C5: variants seen among roughly 807,000 people sequenced by gnomAD.
C5 encodes complement C5.
In C5, 140 loss-of-function variants were observed where a neutral mutation model predicts 218.8. The observed-to-expected ratio is 0.64, with a 90% CI of 0.56 to 0.74. The LOEUF is 0.74. Ranked by LOEUF, C5 falls within the 30% of genes least tolerant of loss-of-function variation. The pLI is 0.00. For missense variants in C5, 1,700 were observed against 1,969.6 expected (o/e 0.86, Z 2.59); for synonymous variants, 614 against 682.3 (o/e 0.90, Z 1.56).
At chr9:121,070,481 A>ATG in the C5 span, among the ~76,000 whole-genome samples, 8 of 147,528 alleles carry the variant, frequency 5.4e-5, no homozygotes, top group Non-Finnish European at 9.0e-5. Context: ...GTGTATATAT[A>ATG]TGTGTGTGTG....
rs748984907 is a variant in C5 at position 120,982,699 on chromosome 9, C to G, written c.3346G>C (p.Gly1116Arg). 2 of 1,607,786 alleles carry G rather than the reference C, an allele frequency of 1.2e-6. No individual in the cohort carries two copies. The highest frequency in any genetic ancestry group is 2.7e-5 in the African/African-American group (2 of 74,736). ...TACTGTGAATTTTCCTTGAAAGATC[C>G]ATTATCTAATTGATAATTCTCAACT... ...WLVENYQLDN[G>R]SFKENSQYQP... Residue 1116 changes from glycine to arginine, a missense_variant, in exon 26 of 41, where the codon GGA (glycine) becomes CGA (arginine). By Grantham distance (125) the Gly-to-Arg change is moderately radical (BLOSUM62 -2). Transcript: ENST00000223642.
chr9:121,074,726 C>T, the C5 span: 1 of 445,184 alleles, frequency 2.2e-6, no homozygotes, highest in Non-Finnish European at 4.5e-6. Flanking sequence ...AACCTCGGCT[C>T]CCCCTGACTC....
At chr9:120,967,212 A>G (rs2046875207) in intron 33 of C5, among the ~76,000 whole-genome samples, 1 of 150,858 alleles carries the variant, frequency 6.6e-6, no homozygotes, top group African/African-American at 2.5e-5. Flanking sequence ...GTGAGCCGAG[A>G]TCACGCCACT....
chr9:120,983,678 G>A (rs748697335), intron 25 of C5, among the ~76,000 whole-genome samples: 2 of 152,060 alleles, frequency 1.3e-5, no homozygotes, highest in African/African-American at 2.4e-5. Context: ...CAGATGTGGT[G>A]GCAGGCACCT....
chr9:121,046,748 T>C (rs1383431917), intron 1 of C5, among the ~76,000 whole-genome samples: 3 of 152,200 alleles, frequency 2.0e-5, no homozygotes, highest in Non-Finnish European at 4.4e-5. Context: ...ATTCCAGCTG[T>C]GGCATCTGCT....
chr9:120,962,613 T>A (rs1158819024), intron 36 of C5, 58 bp downstream of exon 36: 1 of 1,295,568 alleles, frequency 7.7e-7, no homozygotes, highest in Non-Finnish European at 1.1e-6. Context: ...GATTTCTAAA[T>A]GTTCTGGAAA....
chr9:120,988,912 T>A, intron 25 of C5, 134 bp downstream of exon 25: 1 of 753,182 alleles, frequency 1.3e-6, no homozygotes. Context: ...ATGTGAACGG[T>A]AAGAGAAAGA....
intron 33 of C5, among the ~76,000 whole-genome samples, chr9:120,968,018 G>A (rs964457124): frequency 1.3e-5 from 2 of 151,976 alleles, no homozygotes; most frequent in Admixed American, 6.6e-5. Context: ...CACTGTACCC[G>A]GCAAAAAACC....
chr9:120,976,036 G>A (rs896372931), intron 29 of C5, among the ~76,000 whole-genome samples: 1 of 151,980 alleles, frequency 6.6e-6, no homozygotes, highest in East Asian at 1.9e-4. Context: ...CCCTATAATT[G>A]TACCCAAAAT....
chr9:121,010,694 AG>A (rs1296954905), intron 17 of C5, among the ~76,000 whole-genome samples: 1 of 152,212 alleles, frequency 6.6e-6, no homozygotes, highest in Non-Finnish European at 1.5e-5. Flanking sequence ...CCGAGCAAAA[AG>A]AAAAAAACTG....
At chr9:121,044,440 T>C (rs2047608454) in intron 2 of C5, among the ~76,000 whole-genome samples, 1 of 152,052 alleles carries the variant, frequency 6.6e-6, no homozygotes, top group Admixed American at 6.6e-5. Context: ...TACACCACTG[T>C]CTTCCAGCCT....
chr9:121,058,143 A>G, the C5 span, among the ~76,000 whole-genome samples: 1 of 152,240 alleles, frequency 6.6e-6, no homozygotes, highest in African/African-American at 2.4e-5. Flanking sequence ...TGGTGACAAC[A>G]CAATAGCTAC....
At chr9:121,070,481 A>G in the C5 span, among the ~76,000 whole-genome samples, 2 of 147,528 alleles carry the variant, frequency 1.4e-5, no homozygotes, top group African/African-American at 2.5e-5. Flanking sequence ...GTGTATATAT[A>G]TGTGTGTGTG....
At chr9:121,065,520 T>C in the C5 span, among the ~76,000 whole-genome samples, 3 of 152,224 alleles carry the variant, frequency 2.0e-5, no homozygotes, top group Non-Finnish European at 4.4e-5. Context: ...AGTGCAGCAG[T>C]GCAATCACAG....
chr9:120,990,832 G>T (rs1310942707), intron 23 of C5, among the ~76,000 whole-genome samples: 1 of 152,200 alleles, frequency 6.6e-6, no homozygotes, highest in Non-Finnish European at 1.5e-5. Context: ...TTCTCGCTAG[G>T]CCATGTGCAG....
intron 22 of C5, among the ~76,000 whole-genome samples, chr9:120,993,423 A>T (rs1359332503): frequency 6.6e-6 from 1 of 151,730 alleles, no homozygotes; most frequent in African/African-American, 2.4e-5. Context: ...CAATAGAGTT[A>T]TATATATATA....
chr9:120,961,131 AGT>A, intron 37 of C5, among the ~76,000 whole-genome samples: 1 of 152,332 alleles, frequency 6.6e-6, no homozygotes, highest in Middle Eastern at 3.4e-3. Flanking sequence ...TTAACTGGGA[AGT>A]ATAAGAGAAA....
intron 29 of C5, 41 bp from the exon 30 acceptor site, chr9:120,974,972 T>C (rs1467340115): frequency 2.5e-6 from 4 of 1,609,320 alleles, no homozygotes; most frequent in East Asian, 2.2e-5. Flanking sequence ...GTTTAGTTTA[T>C]TTATGTACTC....
At chr9:121,013,569 T>C (rs1011678975) in intron 17 of C5, among the ~76,000 whole-genome samples, 1 of 152,154 alleles carries the variant, frequency 6.6e-6, no homozygotes, top group African/African-American at 2.4e-5. Flanking sequence ...ACAGGCATAT[T>C]GGAGAGGATC....
Sources: allele counts gnomAD v4.1 joint callset (sites outside exome capture counted in the v4.1 genomes callset), GRCh38; gene constraint gnomAD v4.1.1; transcripts MANE v1.5; gene names NCBI Gene and HGNC (gene_info 2026-07-23, HGNC 2026-07-21).